The following CLMN variants were observed in gnomAD, a reference collection of about 807,000 sequenced individuals.
CLMN encodes calmin.
CLMN carries 57 observed loss-of-function variants against 92.7 expected under a neutral mutation model. That is an observed-to-expected ratio of 0.61 (90% CI 0.50 to 0.77). The LOEUF is 0.77. Among genes scored for constraint, CLMN ranks in the 30% least tolerant of loss-of-function variants. The probability of loss-of-function intolerance (pLI) is 0.00; values close to 1 mark genes in which losing one functional copy is unlikely to be tolerated. For synonymous variants in CLMN, 466 were observed against 470.6 expected (o/e 0.99, Z 0.13); for missense variants, 1,158 against 1,237.5 (o/e 0.94, Z 0.96).
At position 95,223,752 on chromosome 14, in the gene CLMN, A is replaced by G; in HGVS notation, c.240+8T>C. ...TCTTTCTTTCTGACCCTTCTGTAACATACGTACCAGATTCCGCCCAGACAG... is the reference window on the plus strand; with the variant it reads ...TCTTTCTTTCTGACCCTTCTGTAACGTACGTACCAGATTCCGCCCAGACAG... On this transcript the variant is annotated splice_region_variant and intron_variant, in intron 3 of 12. Coordinates refer to ENST00000298912, the MANE Select transcript of CLMN (RefSeq NM_024734.4). The G allele has an allele frequency of 3.7e-6, 6 of 1,605,674 alleles. No individual in the cohort carries two copies. The highest frequency in any genetic ancestry group is 5.1e-6 in the Non-Finnish European group (6 of 1,173,812).
chr14:95,245,439 C>G (rs573789669), intron 1 of CLMN, among the ~76,000 whole-genome samples: 1 of 149,374 alleles, frequency 6.7e-6, no homozygotes, highest in African/African-American at 2.5e-5. Context: ...CCTCCCAGTG[C>G]CTGGTGTGTA....
intron 1 of CLMN, among the ~76,000 whole-genome samples, chr14:95,247,193 G>A (rs75616654): frequency 0.071 from 10,743 of 152,192 alleles, 518 homozygotes; most frequent in Non-Finnish European, 0.1. Flanking sequence ...GTGGAATTCT[G>A]ACCTGGAATG....
intron 7 of CLMN, among the ~76,000 whole-genome samples, chr14:95,209,798 C>A (rs1202988049): frequency 2.6e-5 from 4 of 152,210 alleles, no homozygotes; most frequent in Non-Finnish European, 5.9e-5. Flanking sequence ...GTGAACCAGG[C>A]AGCCTACATA....
At chr14:95,245,174 TTATA>T (rs1226855465) in intron 1 of CLMN, among the ~76,000 whole-genome samples, 11 of 50,428 alleles carry the variant, frequency 2.2e-4, no homozygotes, top group East Asian at 1.3e-3. Flanking sequence ...ACTGGTTATA[TTATA>T]TATATATATA....
chr14:95,283,806 A>G (rs1043605399), intron 1 of CLMN, among the ~76,000 whole-genome samples: 1 of 152,226 alleles, frequency 6.6e-6, no homozygotes, highest in African/African-American at 2.4e-5. Context: ...TTTATAAGGG[A>G]AGCAGAGCAT....
intron 9 of CLMN, among the ~76,000 whole-genome samples, chr14:95,201,420 A>T (rs1391793412): frequency 6.6e-6 from 1 of 151,324 alleles, no homozygotes; most frequent in Non-Finnish European, 1.5e-5. Flanking sequence ...TTCCCACACT[A>T]TGAGGTTCCC....
chr14:95,219,013 A>G (rs2140611196), intron 4 of CLMN, among the ~76,000 whole-genome samples: 2 of 152,218 alleles, frequency 1.3e-5, no homozygotes, highest in South Asian at 4.2e-4. Flanking sequence ...CCCCATCTTC[A>G]TGCCCCTGGG....
In CLMN at chr14:95,294,396, G is replaced by A. The variant is rs1900724135; in HGVS notation, c.82+25315C>T. ...GGCACCTCTGGAAGGAGAAGGGCTG[G>A]GGGCAGAACGTGTGCTTGTCTGGCA... On this transcript the variant is annotated intron_variant, in intron 1 of 12. Transcript: ENST00000298912. The surrounding 1 kb of genome is among the most constrained non-coding windows in gnomAD (Gnocchi z 4.2). Among the ~76,000 whole-genome samples the A allele has an allele frequency of 6.6e-6, 1 of 152,352 alleles. No homozygotes were observed. The highest frequency in any genetic ancestry group is 3.4e-3 in the Middle Eastern group (1 of 294).
chr14:95,246,183 C>T (rs1172444676), intron 1 of CLMN, among the ~76,000 whole-genome samples: 1 of 152,176 alleles, frequency 6.6e-6, no homozygotes, highest in East Asian at 1.9e-4. Context: ...CCACACCTTT[C>T]CCTTCCTCTA....
intron 2 of CLMN, among the ~76,000 whole-genome samples, chr14:95,226,875 G>A (rs758297368): frequency 4.6e-5 from 7 of 152,256 alleles, no homozygotes; most frequent in African/African-American, 1.2e-4. Flanking sequence ...CACCATGACC[G>A]GCCGAAACCC....
chr14:95,209,522 C>T lies in CLMN; in HGVS notation c.803-45G>A, dbSNP rs771015204. The T allele has an allele frequency of 2.0e-5, 28 of 1,433,206 alleles. No individual in the cohort carries two copies. The South Asian group carries it at 2.6e-4, about 13-fold the overall frequency. The allele number at this position is 1,433,206 out of a possible 1,614,324, so 88.8% of individuals were successfully genotyped here. On this transcript the variant is annotated intron_variant, in intron 7 of 12. Transcript: ENST00000298912. ...AATTAGCAGGAGATACAAACACACA[C>T]GCTTTCAATAGTATTCCCGGATGCC... is the stretch of plus-strand genomic sequence containing the variant.
intron 1 of CLMN, among the ~76,000 whole-genome samples, chr14:95,303,147 T>G (rs1901128655): frequency 6.6e-6 from 1 of 152,232 alleles, no homozygotes; most frequent in African/African-American, 2.4e-5. Context: ...AAGCTTAACT[T>G]TAAAAACTTG....
intron 1 of CLMN, among the ~76,000 whole-genome samples, chr14:95,282,344 G>C (rs1900172725): frequency 6.6e-6 from 1 of 152,234 alleles, no homozygotes; most frequent in African/African-American, 2.4e-5. Context: ...ATTGGAAAGA[G>C]AAGCAAGTAT....
At position 95,261,166 on chromosome 14, in the gene CLMN, G is replaced by A. The variant is rs527365428; in HGVS notation, c.83-31033C>T. ...GACTGGGGGCTGTTTTAAACGGCAA[G>A]ATCACCGAGAGAAAGCACACAAATG... On this transcript the variant is annotated intron_variant, in intron 1 of 12. Coordinates refer to ENST00000298912, the MANE Select transcript of CLMN (RefSeq NM_024734.4). Among the ~76,000 whole-genome samples, 12 of 142,850 alleles carry A rather than the reference G, an allele frequency of 8.4e-5. No homozygotes were observed. In the South Asian group the frequency reaches 2.8e-3, roughly 33 times the overall value. The allele number at this position is 142,850 out of a possible 152,430, so 93.7% of individuals were successfully genotyped here.
chr14:95,296,524 A>T (rs1200208780), intron 1 of CLMN, among the ~76,000 whole-genome samples: 1 of 152,218 alleles, frequency 6.6e-6, no homozygotes, highest in African/African-American at 2.4e-5. Context: ...TGTGCAATTA[A>T]TCACAACCCA....
chr14:95,222,424 G>T, intron 3 of CLMN: 2 of 377,480 alleles, frequency 5.3e-6, no homozygotes, highest in East Asian at 7.5e-5. Context: ...GCACACTGAC[G>T]CTCCTCCAGG....
At chr14:95,241,836 T>A (rs1898253010) in intron 1 of CLMN, among the ~76,000 whole-genome samples, 2 of 152,166 alleles carry the variant, frequency 1.3e-5, no homozygotes, top group South Asian at 2.1e-4. Flanking sequence ...CGCCTGTGTG[T>A]GTGCGTGTGT....
chr14:95,273,420 GAGA>G (rs1480267809), intron 1 of CLMN, among the ~76,000 whole-genome samples: 2 of 152,222 alleles, frequency 1.3e-5, no homozygotes, highest in African/African-American at 4.8e-5. Flanking sequence ...GGAGAAGAAG[GAGA>G]AGGAGTTTAT....
chr14:95,277,911 G>T (rs1377154402), intron 1 of CLMN, among the ~76,000 whole-genome samples: 1 of 152,366 alleles, frequency 6.6e-6, no homozygotes, highest in African/African-American at 2.4e-5. Context: ...ACAGGCGTGA[G>T]CCACTGTGCC....
Sources: gnomAD v4.1 joint callset for allele counts (sites outside exome capture counted in the v4.1 genomes callset) on GRCh38, gnomAD v4.1.1 for gene constraint, Gnocchi (gnomAD v3.1) non-coding constraint, MANE v1.5 for transcripts, NCBI Gene and HGNC (gene_info 2026-07-23, HGNC 2026-07-21) for gene names.